Variants in PARD3B observed in about 807,000 individuals in gnomAD.
The protein encoded by PARD3B is partitioning defective 3 homolog B.
In PARD3B, 103 loss-of-function variants were observed where a neutral mutation model predicts 130.2. The observed-to-expected ratio is 0.79, with a 90% CI of 0.67 to 0.93. PARD3B has a LOEUF of 0.93. Among genes scored for constraint, PARD3B ranks in the 40% least tolerant of loss-of-function variants. The pLI, the probability that PARD3B is intolerant of heterozygous loss-of-function variation, is 0.00. For missense variants in PARD3B, 1,609 were observed against 1,499.2 expected (o/e 1.07, Z -1.21); for synonymous variants, 583 against 553.2 (o/e 1.05, Z -0.76).
chr2:205,450,916 C>T (rs921407045), intron 20 of PARD3B, among the ~76,000 whole-genome samples: 2 of 152,176 alleles, frequency 1.3e-5, no homozygotes, highest in Non-Finnish European at 2.9e-5. Context: ...GGAACTGAGG[C>T]AATATCCTAC....
chr2:205,301,765 TTGTC>T lies in PARD3B; in HGVS notation c.2630+68_2630+71del, dbSNP rs766456154. The T allele has an allele frequency of 1.2e-6, 2 of 1,613,890 alleles. No homozygotes were observed. The highest frequency in any genetic ancestry group is 1.3e-5 in the African/African-American group (1 of 75,038). The stretch of plus-strand genomic sequence containing the variant: ...TGTCTCTCCTGGTAAAATCACTCCT[TTGTC>T]TGTACTCAGAAAAAAGCGCACGCTT... On this transcript the variant is annotated intron_variant, in intron 18 of 22. Transcript: ENST00000406610. The surrounding 1 kb of genome is among the most constrained non-coding windows in gnomAD (Gnocchi z 5.2).
chr2:204,685,733 A>G (rs1017506820), intron 1 of PARD3B, among the ~76,000 whole-genome samples: 3 of 152,140 alleles, frequency 2.0e-5, no homozygotes, highest in South Asian at 2.1e-4. Flanking sequence ...TTCCATTTAT[A>G]TATTTTGTAG....
At chr2:204,803,974 A>G (rs72934217) in intron 2 of PARD3B, among the ~76,000 whole-genome samples, 7 of 152,294 alleles carry the variant, frequency 4.6e-5, no homozygotes, top group African/African-American at 9.6e-5. Flanking sequence ...TAATCCCTGT[A>G]CTTTGGGAGG....
chr2:205,395,182 T>A (rs1296268397), intron 18 of PARD3B, among the ~76,000 whole-genome samples: 1 of 152,130 alleles, frequency 6.6e-6, no homozygotes, highest in African/African-American at 2.4e-5. Flanking sequence ...CAGCCAACCA[T>A]TACCCAGTCT....
At chr2:204,761,060 T>C (rs1052286524) in intron 2 of PARD3B, among the ~76,000 whole-genome samples, 3 of 152,198 alleles carry the variant, frequency 2.0e-5, no homozygotes, top group African/African-American at 7.2e-5. Flanking sequence ...ATTGCATTTA[T>C]GGCTGACAAG....
chr2:205,612,194 A>T (rs982663449), intron 22 of PARD3B, among the ~76,000 whole-genome samples: 4 of 152,156 alleles, frequency 2.6e-5, no homozygotes, highest in Admixed American at 2.6e-4. Context: ...TTTCTGTTGC[A>T]CAAGATGGAG....
intron 19 of PARD3B, among the ~76,000 whole-genome samples, chr2:205,434,244 T>G (rs1021614519): frequency 2.0e-5 from 3 of 152,244 alleles, no homozygotes; most frequent in Non-Finnish European, 4.4e-5. Flanking sequence ...GTATGATACA[T>G]TTTTCATTTG....
At chr2:205,050,892 C>T (rs969242419) in intron 4 of PARD3B, among the ~76,000 whole-genome samples, 3 of 152,020 alleles carry the variant, frequency 2.0e-5, no homozygotes, top group South Asian at 2.1e-4. Context: ...CAGTGCAATT[C>T]GGTTTGCCTG....
At chr2:204,662,501 C>T (rs1216228566) in intron 1 of PARD3B, among the ~76,000 whole-genome samples, 1 of 152,176 alleles carries the variant, frequency 6.6e-6, no homozygotes, top group East Asian at 1.9e-4. Context: ...TCCATGAAAA[C>T]AGCAGGTGGT....
intron 19 of PARD3B, among the ~76,000 whole-genome samples, chr2:205,425,706 G>A (rs554619418): frequency 6.6e-6 from 1 of 151,928 alleles, no homozygotes; most frequent in Non-Finnish European, 1.5e-5. Context: ...CTGAGTCCAC[G>A]CCTGACTCTC....
chr2:204,913,087 T>G (rs1235624583), intron 2 of PARD3B, among the ~76,000 whole-genome samples: 1 of 152,234 alleles, frequency 6.6e-6, no homozygotes, highest in African/African-American at 2.4e-5. Flanking sequence ...AAAGATGCGA[T>G]ATTGCATTTA....
In PARD3B at chr2:205,421,269, C is replaced by T. The variant is rs1381531545; in HGVS notation, c.2742-19101C>T. Among the ~76,000 whole-genome samples, 5 of 152,176 alleles carry T rather than the reference C, an allele frequency of 3.3e-5. No individual in the cohort carries two copies. Among genetic ancestry groups the T allele is most frequent in the Admixed American group, 2.6e-4 (4 of 15,270 alleles). ...AGACTCACTATTCTCCTCTAGGTGG[C>T]CATTTCTTGCACTACAGATGTCAGC... is the stretch of plus-strand genomic sequence containing the variant. On this transcript the variant is annotated intron_variant, in intron 19 of 22. Transcript: ENST00000406610. The surrounding 1 kb of genome is among the most constrained non-coding windows in gnomAD (Gnocchi z 5.1).
At position 204,880,754 on chromosome 2, in the gene PARD3B, C is replaced by G. The variant is rs545730408; in HGVS notation, c.223-84398C>G. 2.7e-5 allele frequency among the ~76,000 whole-genome samples: 4 copies of G among 150,854 alleles called. No homozygotes were observed. In the East Asian group the frequency reaches 7.9e-4, roughly 30 times the overall value. ...CTGATGTGGGGCTGCACACAAATGA[C>G]TTTTGCATGGACAGGATATCTGGTC... On this transcript the variant is annotated intron_variant, in intron 2 of 22. Transcript: ENST00000406610.
intron 18 of PARD3B, among the ~76,000 whole-genome samples, chr2:205,337,088 G>A (rs928907311): frequency 1.3e-5 from 2 of 151,630 alleles, no homozygotes; most frequent in African/African-American, 4.9e-5. Context: ...TCTTTCCCTA[G>A]ACAGTGGCTT....
At position 205,115,587 on chromosome 2, in the gene PARD3B, C is replaced by T. The variant is rs1183148592; in HGVS notation, c.680+2010C>T. Among the ~76,000 whole-genome samples, 3 of 152,112 alleles carry T rather than the reference C, an allele frequency of 2.0e-5. No individual in the cohort carries two copies. In the East Asian group the frequency reaches 5.8e-4, roughly 29 times the overall value. On this transcript the variant is annotated intron_variant, in intron 6 of 22. Transcript: ENST00000406610. ...TCTATTATTTATTTTTTGCTATCCA[C>T]CAGTATTATAGGAAGGAAATTTAAT...
chr2:205,144,821 C>T lies in PARD3B; in HGVS notation c.1435-13901C>T, dbSNP rs75377807. ...GGGGATTGGTATCCAGCAGGAATCACATTAGATGCAATTCAAACGTGAGAG... is the reference window on the plus strand; with the variant it reads ...GGGGATTGGTATCCAGCAGGAATCATATTAGATGCAATTCAAACGTGAGAG... On this transcript the variant is annotated intron_variant, in intron 10 of 22. Transcript: ENST00000406610. 1.4e-4 allele frequency among the ~76,000 whole-genome samples: 21 copies of T among 152,224 alleles called. No homozygotes were observed. The East Asian group carries it at 3.9e-3, about 28-fold the overall frequency.
Position 205,379,971 on chromosome 2 carries a change from G to GCAAT in PARD3B, c.2631-21042_2631-21041insCAAT, listed in dbSNP as rs574065485. 3.4e-3 allele frequency among the ~76,000 whole-genome samples: 512 copies of GCAAT among 149,474 alleles called. 2 individuals are homozygous for GCAAT. The highest frequency in any genetic ancestry group is 0.01 in the African/African-American group (419 of 40,536). ...TAGTCCCAGCTACTCAGGAGGCAGAGGCAAGAGAATTGCTTGAACCCAGAA... is the reference window on the plus strand; with the variant it reads ...TAGTCCCAGCTACTCAGGAGGCAGAGCAATGCAAGAGAATTGCTTGAACCCAGAA... On this transcript the variant is annotated intron_variant, in intron 18 of 22. Transcript: ENST00000406610.
chr2:204,638,677 G>T (rs1013152318), intron 1 of PARD3B, among the ~76,000 whole-genome samples: 6 of 152,052 alleles, frequency 3.9e-5, no homozygotes, highest in African/African-American at 1.2e-4. Context: ...AGCATGCCAA[G>T]ATTTTGGGGG....
chr2:204,985,193 C>T (rs1373507257), intron 3 of PARD3B, among the ~76,000 whole-genome samples: 2 of 152,072 alleles, frequency 1.3e-5, no homozygotes, highest in East Asian at 3.9e-4. Flanking sequence ...TTCCTTCCCT[C>T]CTGCCTGTTT....
Sources: gnomAD v4.1 joint callset for allele counts (sites outside exome capture counted in the v4.1 genomes callset) on GRCh38, gnomAD v4.1.1 for gene constraint, Gnocchi (gnomAD v3.1) non-coding constraint, MANE v1.5 for transcripts, NCBI Gene and HGNC (gene_info 2026-07-23, HGNC 2026-07-21) for gene names.